TMEM132B: variants seen among roughly 807,000 people sequenced by gnomAD.
TMEM132B encodes transmembrane protein 132B.
In TMEM132B, 18 loss-of-function variants were observed where a neutral mutation model predicts 90.8. The observed-to-expected ratio is 0.20, with a 90% CI of 0.14 to 0.29. The LOEUF is 0.29. TMEM132B is among the 10% of genes least tolerant of loss of function. The pLI is 1.00. For missense variants in TMEM132B, 1,096 were observed against 1,326.8 expected (o/e 0.83, Z 2.70); for synonymous variants, 504 against 523.3 (o/e 0.96, Z 0.50).
chr12:125,596,296 G>C (rs188276490), intron 5 of TMEM132B, among the ~76,000 whole-genome samples: 4 of 152,294 alleles, frequency 2.6e-5, no homozygotes, highest in East Asian at 1.9e-4. Flanking sequence ...GCCTTCTCAG[G>C]GGGTAGACGA....
intron 4 of TMEM132B, among the ~76,000 whole-genome samples, chr12:125,542,366 A>G (rs114626458): frequency 6.6e-6 from 1 of 152,258 alleles, no homozygotes; most frequent in African/African-American, 2.4e-5. Context: ...TACTATCGTC[A>G]CCATTTTCAA....
intron 1 of TMEM132B, among the ~76,000 whole-genome samples, chr12:125,233,996 G>T (rs1873878849): frequency 6.6e-6 from 1 of 152,174 alleles, no homozygotes; most frequent in Non-Finnish European, 1.5e-5. Flanking sequence ...TTATTATGAA[G>T]ATGTATATAA....
In TMEM132B at chr12:125,186,403, A is replaced by G. The variant is rs1957760126; in HGVS notation, c.-397A>G. On this transcript the variant is annotated 5_prime_UTR_variant, in exon 1 of 9. Coordinates refer to ENST00000682704, the MANE Select transcript of TMEM132B (RefSeq NM_001366854.1). The surrounding 1 kb of genome is among the most constrained non-coding windows in gnomAD (Gnocchi z 6.3). ...GCTCGCTCACTCTCTCGCTGGCTCG[A>G]GGGGCGGCCGGCAGATGGCGATGGC... is the stretch of plus-strand genomic sequence containing the variant. 7.1e-6 allele frequency among the ~76,000 whole-genome samples: 1 copy of G among 141,394 alleles called. No homozygotes were observed. The highest frequency in any genetic ancestry group is 2.5e-4 in the South Asian group (1 of 4,008). The allele number at this position is 141,394 out of a possible 152,430, so 92.8% of individuals were successfully genotyped here.
rs1887199065 is a variant in TMEM132B, at chr12:125,661,202, A to G, written c.*6492A>G. The G allele has an allele frequency of 6.6e-6, 1 of 152,226 alleles. No homozygotes were observed. The highest frequency in any genetic ancestry group is 2.1e-4 in the South Asian group (1 of 4,838). 9.4% of individuals were successfully genotyped at this position (152,226 alleles called of 1,614,324 possible). A position where few individuals can be genotyped will look rare whatever the true frequency, so the allele number is the denominator to read the frequency against. On this transcript the variant is annotated 3_prime_UTR_variant, in exon 9 of 9. Coordinates refer to ENST00000682704, the MANE Select transcript of TMEM132B (RefSeq NM_001366854.1). ...CCAGTGTCAACACTGACCATATGAT[A>G]TAGTTATTTCACTTAGAGATGCTTC...
chr12:125,304,789 C>T (rs995266164), intron 1 of TMEM132B, among the ~76,000 whole-genome samples: 1 of 152,122 alleles, frequency 6.6e-6, no homozygotes, highest in Non-Finnish European at 1.5e-5. Flanking sequence ...CATGTCTGCG[C>T]CTGTGAATAG....
At chr12:125,395,980 A>C (rs777435667) in intron 2 of TMEM132B, among the ~76,000 whole-genome samples, 1 of 152,236 alleles carries the variant, frequency 6.6e-6, no homozygotes, top group Non-Finnish European at 1.5e-5. Context: ...GGAATGGGAA[A>C]GTCTGATTGG....
chr12:125,333,685 C>G (rs1194514773), intron 1 of TMEM132B, among the ~76,000 whole-genome samples: 1 of 152,156 alleles, frequency 6.6e-6, no homozygotes, highest in Non-Finnish European at 1.5e-5. Context: ...CCCTGCTGAT[C>G]TAGCTGATTA....
At chr12:125,570,293 C>T (rs1046783901) in intron 4 of TMEM132B, among the ~76,000 whole-genome samples, 6 of 152,176 alleles carry the variant, frequency 3.9e-5, no homozygotes, top group Non-Finnish European at 7.4e-5. Context: ...GTTGTTCCTC[C>T]TTCCCTGTGA....
chr12:125,307,604 A>G (rs1052274450), intron 1 of TMEM132B, among the ~76,000 whole-genome samples: 1 of 151,838 alleles, frequency 6.6e-6, no homozygotes, highest in Non-Finnish European at 1.5e-5. Context: ...AAATGAAAAC[A>G]TTACAAATAG....
intron 1 of TMEM132B, among the ~76,000 whole-genome samples, chr12:125,231,563 C>T (rs1873824114): frequency 6.6e-6 from 1 of 152,046 alleles, no homozygotes; most frequent in Non-Finnish European, 1.5e-5. Flanking sequence ...TTGCCCATGT[C>T]CCAGTGGATT....
chr12:125,503,570 T>C (rs920637421), intron 3 of TMEM132B, among the ~76,000 whole-genome samples: 37 of 152,280 alleles, frequency 2.4e-4, no homozygotes, highest in African/African-American at 8.9e-4. Context: ...ATTGGGCAAA[T>C]TCAAGGAGGT....
intron 1 of TMEM132B, among the ~76,000 whole-genome samples, chr12:125,285,421 G>C (rs2136137452): frequency 6.6e-6 from 1 of 152,310 alleles, no homozygotes; most frequent in Non-Finnish European, 1.5e-5. Flanking sequence ...CGTGGTCGTG[G>C]CTCAGCGTCT....
intron 4 of TMEM132B, among the ~76,000 whole-genome samples, chr12:125,527,331 A>G (rs1416122913): frequency 1.2e-5 from 1 of 80,938 alleles, no homozygotes; most frequent in Non-Finnish European, 2.4e-5. Context: ...CCATCCACCC[A>G]TCCACCCTTC....
At chr12:125,653,481 C>T in intron 8 of TMEM132B, 84 bp from the exon 9 acceptor site, 1 of 1,412,610 alleles carries the variant, frequency 7.1e-7, no homozygotes, top group Non-Finnish European at 9.5e-7. Context: ...TATATTTAAA[C>T]AATTTATATA....
chr12:125,457,878 G>C (rs775144065), intron 3 of TMEM132B, among the ~76,000 whole-genome samples: 3 of 152,204 alleles, frequency 2.0e-5, no homozygotes, highest in Non-Finnish European at 2.9e-5. Context: ...GAGTGTGATG[G>C]GAGCAGCAGG....
chr12:125,375,530 A>T (rs1255418338), intron 2 of TMEM132B, among the ~76,000 whole-genome samples: 1 of 152,252 alleles, frequency 6.6e-6, no homozygotes, highest in Non-Finnish European at 1.5e-5. Flanking sequence ...ACCAACATGA[A>T]AAAGTTACAT....
intron 3 of TMEM132B, among the ~76,000 whole-genome samples, chr12:125,488,735 A>G (rs907054814): frequency 2.0e-5 from 3 of 152,164 alleles, no homozygotes; most frequent in African/African-American, 7.2e-5. Flanking sequence ...TACAGCATCT[A>G]ATTATCTGGG....
At chr12:125,509,485 G>A (rs967470185) in intron 3 of TMEM132B, among the ~76,000 whole-genome samples, 3 of 152,158 alleles carry the variant, frequency 2.0e-5, no homozygotes, top group Non-Finnish European at 4.4e-5. Flanking sequence ...GAGATCAAAT[G>A]TTCTAGATGC....
At chr12:125,489,322 A>G (rs142830126) in intron 3 of TMEM132B, among the ~76,000 whole-genome samples, 7 of 152,326 alleles carry the variant, frequency 4.6e-5, no homozygotes, top group Admixed American at 4.6e-4. Context: ...CACAACTCAC[A>G]TATAGCAAAA....
Sources: allele counts gnomAD v4.1 joint callset (sites outside exome capture counted in the v4.1 genomes callset), GRCh38; gene constraint gnomAD v4.1.1; non-coding constraint Gnocchi (gnomAD v3.1); transcripts MANE v1.5; gene names NCBI Gene and HGNC (gene_info 2026-07-23, HGNC 2026-07-21).